Variants in TRPC1 observed in about 807,000 individuals in gnomAD.
TRPC1 encodes transient receptor potential cation channel subfamily C member 1, also known as short transient receptor potential channel 1.
In TRPC1, 42 loss-of-function variants were observed where a neutral mutation model predicts 88.2. That is an observed-to-expected ratio of 0.48 (90% CI 0.37 to 0.62). The LOEUF is 0.62. Ranked by LOEUF, TRPC1 falls within the 20% of genes least tolerant of loss-of-function variation. TRPC1 has a pLI of 0.00. For synonymous variants in TRPC1, 288 were observed against 331.8 expected (o/e 0.87, Z 1.43); for missense variants, 699 against 957.3 (o/e 0.73, Z 3.56).
rs1936323008 is a variant in TRPC1, at chr3:142,792,551, T to G, written c.1438-273T>G. Among the ~76,000 whole-genome samples, 1 of 152,024 alleles carries G rather than the reference T, an allele frequency of 6.6e-6. No homozygotes were observed. Among genetic ancestry groups the G allele is most frequent in the Non-Finnish European group, 1.5e-5 (1 of 67,950 alleles). On this transcript the variant is annotated intron_variant, in intron 8 of 12. Transcript: ENST00000476941. The surrounding 1 kb of genome is among the most constrained non-coding windows in gnomAD (Gnocchi z 4.0). ...GCCAACATTTCATTAATAAAAAGCT[T>G]AATGATCATTTAAAAAATTATTTAA...
chr3:142,758,232 A>G (rs1451459306), intron 4 of TRPC1, among the ~76,000 whole-genome samples: 2 of 152,044 alleles, frequency 1.3e-5, no homozygotes, highest in Non-Finnish European at 2.9e-5. Context: ...TAGTGGCTAT[A>G]ATTATTTACA....
At chr3:142,731,858 A>T (rs1236521652) in intron 1 of TRPC1, among the ~76,000 whole-genome samples, 5 of 152,290 alleles carry the variant, frequency 3.3e-5, no homozygotes, top group South Asian at 2.1e-4. Context: ...GTTAAAAAAA[A>T]TTTCGTAACA....
At chr3:142,761,473 G>T (rs1935182444) in intron 4 of TRPC1, among the ~76,000 whole-genome samples, 1 of 152,072 alleles carries the variant, frequency 6.6e-6, no homozygotes, top group Non-Finnish European at 1.5e-5. Context: ...TCAGTTTGCT[G>T]GATTTTTGCA....
At chr3:142,762,898 T>C (rs1361759608) in intron 4 of TRPC1, among the ~76,000 whole-genome samples, 1 of 152,214 alleles carries the variant, frequency 6.6e-6, no homozygotes. Flanking sequence ...CAATAAATTT[T>C]TAAATTTTCT....
chr3:142,773,801 C>T lies in TRPC1; in HGVS notation c.633-3831C>T, dbSNP rs78748697. On this transcript the variant is annotated intron_variant, in intron 4 of 12. Transcript: ENST00000476941. ...TTATTTTAATGAAGTCTATCCCCGC[C>T]CCCCTCTCCCCCATAGTGGTAAACC... 9.7e-3 allele frequency among the ~76,000 whole-genome samples: 1,439 copies of T among 148,794 alleles called. 35 individuals are homozygous for T. The highest frequency in any genetic ancestry group is 0.09 in the East Asian group (463 of 5,124).
At chr3:142,775,706 A>G (rs2108106010) in intron 4 of TRPC1, among the ~76,000 whole-genome samples, 1 of 152,362 alleles carries the variant, frequency 6.6e-6, no homozygotes, top group Admixed American at 6.5e-5. Flanking sequence ...TAAAAGCAGG[A>G]TAAATAATCA....
rs932143785 is a variant in TRPC1 at position 142,784,685 on chromosome 3, G to A, written c.961-19G>A. 2 of 1,572,060 alleles carry A rather than the reference G, an allele frequency of 1.3e-6. No homozygotes were observed. Among genetic ancestry groups the A allele is most frequent in the Non-Finnish European group, 1.7e-6 (2 of 1,159,584 alleles). On this transcript the variant is annotated intron_variant, in intron 6 of 12. Coordinates refer to ENST00000476941, the MANE Select transcript of TRPC1 (RefSeq NM_001251845.2). ...CTTTTACTTTTTTTCTTTTTAATGT[G>A]TGTGTATGTCCTTTTCAGTTTGTCT...
Position 142,724,602 on chromosome 3 carries a change from T to G in TRPC1, c.43T>G (p.Ser15Ala). 1 of 1,594,416 alleles carries G rather than the reference T, an allele frequency of 6.3e-7. No homozygotes were observed. Among genetic ancestry groups the G allele is most frequent in the Middle Eastern group, 2.1e-4 (1 of 4,806 alleles). Residue 15 changes from serine (S) to alanine (A), a missense_variant, in exon 1 of 13, where the codon TCC becomes GCC. By Grantham distance (99) the Ser-to-Ala change is moderately conservative (BLOSUM62 1). Around this residue, in one of 4 missense-constraint regions of TRPC1, gnomAD observed 157 missense variants for 127.0 expected, o/e 1.24. Transcript: ENST00000476941. The surrounding 1 kb of genome is among the most constrained non-coding windows in gnomAD (Gnocchi z 5.6). ...LYPSTDLSGA[S>A]SSSLPSSPSS... ...CCCGAGCACGGACCTCTCGGGCGCC[T>G]CCTCCTCCTCCCTGCCTTCCTCTCC...
intron 9 of TRPC1, among the ~76,000 whole-genome samples, chr3:142,798,401 A>C (rs1030517049): frequency 6.6e-6 from 1 of 152,202 alleles, no homozygotes; most frequent in African/African-American, 2.4e-5. Flanking sequence ...TACTAGTATG[A>C]AGTCAAAAAT....
At chr3:142,794,200 T>A (rs1426711167) in intron 9 of TRPC1, among the ~76,000 whole-genome samples, 1 of 152,130 alleles carries the variant, frequency 6.6e-6, no homozygotes, top group Non-Finnish European at 1.5e-5. Context: ...TTTTTGCCAC[T>A]AATATCATCT....
chr3:142,741,911 C>G (rs1673525269), intron 2 of TRPC1, among the ~76,000 whole-genome samples: 1 of 152,062 alleles, frequency 6.6e-6, no homozygotes, highest in Non-Finnish European at 1.5e-5. Flanking sequence ...GCCTGTAATC[C>G]CAGCACTTTG....
rs889506386 is a variant in TRPC1, at chr3:142,748,589, T to G, written c.632+129T>G. ...TGGGGTGACTTATGAAAGCCAAACT[T>G]GTAGCTCCTTTGTTTTATATAATGC... is the stretch of plus-strand genomic sequence containing the variant. On this transcript the variant is annotated intron_variant, in intron 4 of 12. Coordinates refer to ENST00000476941, the MANE Select transcript of TRPC1 (RefSeq NM_001251845.2). 4 of 867,874 alleles carry G rather than the reference T, an allele frequency of 4.6e-6. No homozygotes were observed. In the African/African-American group the frequency reaches 6.7e-5, roughly 15 times the overall value. 53.8% of individuals were successfully genotyped at this position (867,874 alleles called of 1,614,324 possible).
At position 142,743,465 on chromosome 3, in the gene TRPC1, A is replaced by T; in HGVS notation, c.328-20A>T. The T allele has an allele frequency of 7.1e-7, 1 of 1,411,256 alleles. No individual in the cohort carries two copies. The highest frequency in any genetic ancestry group is 9.4e-7 in the Non-Finnish European group (1 of 1,061,904). The allele number at this position is 1,411,256 out of a possible 1,614,324, so 87.4% of individuals were successfully genotyped here. ...CTTTTTATCTTCCATTTTCATTTTT[A>T]ACTTTTTTTTTTTTTGAAGTCTGCA... On this transcript the variant is annotated intron_variant, in intron 2 of 12. Transcript: ENST00000476941.
chr3:142,774,505 G>A (rs1935687505), intron 4 of TRPC1, among the ~76,000 whole-genome samples: 1 of 152,140 alleles, frequency 6.6e-6, no homozygotes, highest in African/African-American at 2.4e-5. Context: ...TTGGCACCCT[G>A]GCATGAAACT....
intron 7 of TRPC1, among the ~76,000 whole-genome samples, chr3:142,789,696 A>G (rs1192828308): frequency 6.6e-6 from 1 of 152,204 alleles, no homozygotes; most frequent in African/African-American, 2.4e-5. Context: ...GTACCATAAA[A>G]TGATCCTGAA....
chr3:142,728,820 G>A (rs2108006389), intron 1 of TRPC1, among the ~76,000 whole-genome samples: 1 of 152,282 alleles, frequency 6.6e-6, no homozygotes, highest in African/African-American at 2.4e-5. Context: ...TTTGAGAAGA[G>A]ATTTTGAAGT....
intron 4 of TRPC1, among the ~76,000 whole-genome samples, chr3:142,754,593 T>C (rs1275840681): frequency 1.3e-5 from 2 of 152,158 alleles, no homozygotes; most frequent in Non-Finnish European, 2.9e-5. Context: ...TTAACTTGCA[T>C]AGTGTTTTTT....
chr3:142,742,058 G>T (rs1356587725), intron 2 of TRPC1, among the ~76,000 whole-genome samples: 1 of 151,842 alleles, frequency 6.6e-6, no homozygotes, highest in Non-Finnish European at 1.5e-5. Flanking sequence ...AGCTACTCGG[G>T]AGGCTGAGGC....
intron 4 of TRPC1, among the ~76,000 whole-genome samples, chr3:142,756,848 G>A (rs1483325809): frequency 1.3e-5 from 2 of 152,100 alleles, no homozygotes; most frequent in African/African-American, 4.8e-5. Context: ...CAGTTCAGTG[G>A]TAATAAATAC....
Sources: allele counts gnomAD v4.1 joint callset (sites outside exome capture counted in the v4.1 genomes callset), GRCh38; gene constraint gnomAD v4.1.1; regional missense constraint gnomAD v4.1.1; non-coding constraint Gnocchi (gnomAD v3.1); transcripts MANE v1.5; gene names NCBI Gene and HGNC (gene_info 2026-07-23, HGNC 2026-07-21).